The following HMGB1 variants were observed in gnomAD, a reference collection of about 807,000 sequenced individuals.
HMGB1 encodes high mobility group protein B1.
For missense variants in HMGB1, 79 were observed against 253.5 expected, an observed-to-expected ratio of 0.31 and a Z score of 4.67; for synonymous variants, 81 against 84.0, an observed-to-expected ratio of 0.96 and a Z score of 0.19.
chr13:30,594,742 C>T (rs1185684877), intron 1 of HMGB1, among the ~76,000 whole-genome samples: 1 of 152,172 alleles, frequency 6.6e-6, no homozygotes, highest in East Asian at 1.9e-4. Context: ...TGGGTATATA[C>T]CCAGTAATGG....
Position 30,460,918 on chromosome 13 carries a change from T to C in HMGB1, c.*439A>G, listed in dbSNP as rs1384466792. ...ACTAATAAAAAAAATTGTATTTACT[T>C]AGAAGCATTCAGAATGTCAACAAAA... On this transcript the variant is annotated 3_prime_UTR_variant, in exon 5 of 5. Coordinates refer to ENST00000341423, the MANE Select transcript of HMGB1 (RefSeq NM_002128.7). 2 of 786,820 alleles carry C rather than the reference T, an allele frequency of 2.5e-6. No homozygotes were observed. The highest frequency in any genetic ancestry group is 3.8e-5 in the African/African-American group (2 of 53,088). 48.7% of individuals were successfully genotyped at this position (786,820 alleles called of 1,614,324 possible). A position where few individuals can be genotyped will look rare whatever the true frequency, so the allele number is the denominator to read the frequency against.
intron 1 of HMGB1, among the ~76,000 whole-genome samples, chr13:30,587,730 A>G (rs1871212871): frequency 6.6e-6 from 1 of 152,220 alleles, no homozygotes; most frequent in Non-Finnish European, 1.5e-5. Context: ...TTATTCTCAT[A>G]GGGCTATTAT....
chr13:30,491,331 A>G (rs1887487180), intron 1 of HMGB1, among the ~76,000 whole-genome samples: 1 of 142,716 alleles, frequency 7.0e-6, no homozygotes, highest in African/African-American at 3.1e-5. Flanking sequence ...CGCCTGGCCC[A>G]TAGGAAAGAC....
At chr13:30,603,936 G>C (rs113665311) in intron 1 of HMGB1, among the ~76,000 whole-genome samples, 3 of 152,278 alleles carry the variant, frequency 2.0e-5, no homozygotes, top group African/African-American at 7.2e-5. Flanking sequence ...TCCACAGTTG[G>C]TTGAATCCAC....
intron 1 of HMGB1, among the ~76,000 whole-genome samples, chr13:30,589,952 G>A (rs564227603): frequency 4.6e-5 from 7 of 152,056 alleles, no homozygotes; most frequent in African/African-American, 9.7e-5. Context: ...TCTTGCACCT[G>A]ATAAAAATCT....
chr13:30,461,569 GA>G, intron 4 of HMGB1, 36 bp from the exon 5 acceptor site: 1 of 1,566,316 alleles, frequency 6.4e-7, no homozygotes, highest in Non-Finnish European at 8.7e-7. Flanking sequence ...CAGTAGGGAA[GA>G]AAAAAACATT....
chr13:30,612,147 T>C (rs1353935432), intron 1 of HMGB1, among the ~76,000 whole-genome samples: 1 of 151,520 alleles, frequency 6.6e-6, no homozygotes, highest in Non-Finnish European at 1.5e-5. Context: ...TATATGTGTA[T>C]GTGTGTGTGT....
intron 1 of HMGB1, among the ~76,000 whole-genome samples, chr13:30,586,862 G>A (rs547310163): frequency 2.5e-4 from 38 of 152,070 alleles, no homozygotes; most frequent in African/African-American, 9.6e-5. Flanking sequence ...AATAAACCTC[G>A]TGACTTTCCC....
chr13:30,590,578 G>C (rs1286736214), intron 1 of HMGB1, among the ~76,000 whole-genome samples: 2 of 152,246 alleles, frequency 1.3e-5, no homozygotes, highest in Non-Finnish European at 2.9e-5. Context: ...GTAGAAGTCA[G>C]ATGTGAGCAA....
At chr13:30,606,816 T>C (rs1398212092) in intron 1 of HMGB1, among the ~76,000 whole-genome samples, 1 of 152,238 alleles carries the variant, frequency 6.6e-6, no homozygotes, top group Non-Finnish European at 1.5e-5. Context: ...GTTTAGGCAT[T>C]GTCAGGTTAT....
At chr13:30,575,894 C>T (rs552438082) in intron 1 of HMGB1, among the ~76,000 whole-genome samples, 39 of 152,052 alleles carry the variant, frequency 2.6e-4, no homozygotes, top group Non-Finnish European at 5.0e-4. Context: ...CAGAGTGAGA[C>T]CCTGTCTCTA....
intron 1 of HMGB1, among the ~76,000 whole-genome samples, chr13:30,585,155 A>G (rs531613457): frequency 6.6e-6 from 1 of 152,024 alleles, no homozygotes; most frequent in South Asian, 2.1e-4. Flanking sequence ...ATCTAAAAAA[A>G]AAAAAAAATT....
chr13:30,463,987 G>GT, intron 1 of HMGB1: 2 of 472,838 alleles, frequency 4.2e-6, no homozygotes, highest in South Asian at 1.5e-4. Context: ...CTCTGAATGA[G>GT]TATCTAACTG....
chr13:30,553,707 G>C, intron 1 of HMGB1: 1 of 1,016,458 alleles, frequency 9.8e-7, no homozygotes, highest in Non-Finnish European at 1.5e-6. Context: ...CAAGGAGTTG[G>C]ATGCTCAGCA....
intron 1 of HMGB1, among the ~76,000 whole-genome samples, chr13:30,481,716 G>C (rs1887232277): frequency 6.6e-6 from 1 of 152,228 alleles, no homozygotes; most frequent in African/African-American, 2.4e-5. Flanking sequence ...GCGTGCCTCT[G>C]TCAGACCCTA....
chr13:30,495,716 G>A (rs917517727), intron 1 of HMGB1, among the ~76,000 whole-genome samples: 1 of 152,198 alleles, frequency 6.6e-6, no homozygotes, highest in Non-Finnish European at 1.5e-5. Flanking sequence ...CTGACCCTGT[G>A]ATCCGCCCGC....
intron 1 of HMGB1, among the ~76,000 whole-genome samples, chr13:30,585,536 G>C (rs939822605): frequency 6.6e-6 from 1 of 151,930 alleles, no homozygotes; most frequent in Admixed American, 6.6e-5. Flanking sequence ...AAATAAGCCG[G>C]GAGTGGTGGC....
At chr13:30,483,802 TG>T (rs1750774109) in intron 1 of HMGB1, among the ~76,000 whole-genome samples, 1 of 151,956 alleles carries the variant, frequency 6.6e-6, no homozygotes. Flanking sequence ...TTTGTAGAGA[TG>T]GTGTCTCACC....
At chr13:30,486,496 C>G (rs1335682095) in intron 1 of HMGB1, among the ~76,000 whole-genome samples, 2 of 152,292 alleles carry the variant, frequency 1.3e-5, no homozygotes, top group Middle Eastern at 3.4e-3. Flanking sequence ...CTGCCACAGC[C>G]CACAATCTGG....
Sources: allele counts gnomAD v4.1 joint callset (sites outside exome capture counted in the v4.1 genomes callset), GRCh38; gene constraint gnomAD v4.1.1; transcripts MANE v1.5; gene names NCBI Gene and HGNC (gene_info 2026-07-23, HGNC 2026-07-21).